Variants in PPP2R3C observed in about 807,000 individuals in gnomAD.
PPP2R3C encodes protein phosphatase 2 regulatory subunit B''gamma.
PPP2R3C carries 47 observed loss-of-function variants against 63.7 expected under a neutral mutation model. That is an observed-to-expected ratio of 0.74 (90% CI 0.58 to 0.94). PPP2R3C has a LOEUF of 0.94. PPP2R3C is among the 40% of genes least tolerant of loss of function. The probability of loss-of-function intolerance (pLI) is 0.00; values close to 1 mark genes in which losing one functional copy is unlikely to be tolerated. For missense variants in PPP2R3C, 421 were observed against 518.4 expected, an observed-to-expected ratio of 0.81 and a Z score of 1.82; for synonymous variants, 180 against 177.4, an observed-to-expected ratio of 1.01 and a Z score of -0.12.
intron 6 of PPP2R3C, among the ~76,000 whole-genome samples, chr14:35,104,444 GATTA>G (rs2046286456): frequency 6.6e-6 from 1 of 152,086 alleles, no homozygotes; most frequent in Admixed American, 6.6e-5. Flanking sequence ...ATAATTATTT[GATTA>G]ATTAACCTAG....
At chr14:35,104,686 G>A (rs899772682) in intron 6 of PPP2R3C, among the ~76,000 whole-genome samples, 1 of 152,146 alleles carries the variant, frequency 6.6e-6, no homozygotes, top group Non-Finnish European at 1.5e-5. Context: ...AACTGACCTA[G>A]CAATCTTAAA....
At chr14:35,116,228 C>T (rs1340012691) in intron 2 of PPP2R3C, among the ~76,000 whole-genome samples, 1 of 151,122 alleles carries the variant, frequency 6.6e-6, no homozygotes, top group Non-Finnish European at 1.5e-5. Flanking sequence ...ACATAAAATT[C>T]TGGTCCTATT....
intron 10 of PPP2R3C, among the ~76,000 whole-genome samples, chr14:35,091,770 G>A (rs1163146503): frequency 6.6e-6 from 1 of 151,932 alleles, no homozygotes; most frequent in Admixed American, 6.6e-5. Flanking sequence ...GCCCAGGCTG[G>A]AGTGCAGTGG....
intron 2 of PPP2R3C, 116 bp downstream of exon 2, chr14:35,116,494 A>G: frequency 1.4e-6 from 1 of 726,672 alleles, no homozygotes; most frequent in Non-Finnish European, 2.0e-6. Context: ...GACTCAAGTG[A>G]TCCTCCCGCC....
upstream of PPP2R3C, chr14:35,122,053 G>C: frequency 7.1e-7 from 1 of 1,400,992 alleles, no homozygotes; most frequent in Non-Finnish European, 1.0e-6. Context: ...CCCCGTAAAG[G>C]TTAGGAAGGC....
chr14:35,118,305 G>T (rs1015353903), intron 1 of PPP2R3C, among the ~76,000 whole-genome samples: 8 of 152,140 alleles, frequency 5.3e-5, no homozygotes, highest in Admixed American at 5.2e-4. Context: ...ATGCTGATGG[G>T]AATGATTAAA....
intron 10 of PPP2R3C, 102 bp downstream of exon 10, chr14:35,094,946 T>A (rs1011998625): frequency 2.2e-5 from 29 of 1,291,704 alleles, no homozygotes; most frequent in Non-Finnish European, 3.0e-5. Context: ...AGAGCAAGAC[T>A]CTGTCTCAAA....
Position 35,100,446 on chromosome 14 carries a change from T to C in PPP2R3C, c.574-1062A>G, listed in dbSNP as rs938693046. ...ACTCCCACCAGCAATGTGAAGGCTA[T>C]TTCTACAGTTCCGAATTCTGCACAC... On this transcript the variant is annotated intron_variant, in intron 6 of 12. Coordinates refer to ENST00000261475, the MANE Select transcript of PPP2R3C (RefSeq NM_017917.4). 7 of 152,202 alleles carry C rather than the reference T, an allele frequency of 4.6e-5. No homozygotes were observed. In the South Asian group the frequency reaches 1.5e-3, roughly 32 times the overall value. 9.4% of individuals were successfully genotyped at this position (152,202 alleles called of 1,614,324 possible).
Position 35,116,703 on chromosome 14 carries a change from T to C in PPP2R3C, c.93A>G (p.Glu31=), listed in dbSNP as rs774663256. ...AGTAATATTTTGTAAATAAATCCAT[T>C]TCTTCATCTTTTAATTCTTGTTCAC... The part of the protein sequence containing the change: ...KKSEQELKDE[E]MDLFTKYYSE... Residue 31 remains glutamate, a synonymous_variant, in exon 2 of 13, where the codon GAA becomes GAG. Transcript: ENST00000261475. The C allele has an allele frequency of 4.4e-6, 7 of 1,594,608 alleles. No individual in the cohort carries two copies. Among genetic ancestry groups the C allele is most frequent in the Non-Finnish European group, 6.0e-6 (7 of 1,168,638 alleles).
intron 2 of PPP2R3C, among the ~76,000 whole-genome samples, chr14:35,111,945 T>G (rs1980513): frequency 0.92 from 139,523 of 152,240 alleles, 63,946 homozygotes; most frequent in Non-Finnish European, 0.93. Flanking sequence ...CATTTAGCTG[T>G]CTCCATGTAT....
rs369438712 is a variant in PPP2R3C, at chr14:35,108,122, C to G, written c.502+17G>C. 1 of 1,604,514 alleles carries G rather than the reference C, an allele frequency of 6.2e-7. No individual in the cohort carries two copies. The highest frequency in any genetic ancestry group is 8.5e-7 in the Non-Finnish European group (1 of 1,177,550). Reference sequence around the variant, plus strand: ...GATTCCCAGATAAGGAGTTCAAGCACAGTAAAAATGAATCACCTTTTCTCA... The same window carrying G: ...GATTCCCAGATAAGGAGTTCAAGCAGAGTAAAAATGAATCACCTTTTCTCA... On this transcript the variant is annotated intron_variant, in intron 5 of 12. Coordinates refer to ENST00000261475, the MANE Select transcript of PPP2R3C (RefSeq NM_017917.4).
rs572875891 is a variant in PPP2R3C, at chr14:35,121,786, G to T, written c.58+116C>A. The T allele has an allele frequency of 1.6e-5, 19 of 1,153,612 alleles. 1 individual carries two copies. The Admixed American group carries it at 1.7e-4, about 10-fold the overall frequency. 71.5% of individuals were successfully genotyped at this position (1,153,612 alleles called of 1,614,324 possible). On this transcript the variant is annotated intron_variant, in intron 1 of 12. Transcript: ENST00000261475. Reference sequence around the variant, plus strand: ...CATTCCACTCCGCCTCCTTTGTCGGGAGGTTTCACAGAAGCGGAAAAGGCG... The same window carrying T: ...CATTCCACTCCGCCTCCTTTGTCGGTAGGTTTCACAGAAGCGGAAAAGGCG...
intron 12 of PPP2R3C, 133 bp from the exon 13 acceptor site, chr14:35,085,911 T>G (rs531977949): frequency 8.7e-6 from 6 of 692,970 alleles, no homozygotes; most frequent in Non-Finnish European, 1.3e-5. Context: ...CTTGGGCTTA[T>G]GTTAATTTTT....
upstream of PPP2R3C, chr14:35,122,036 C>G: frequency 3.9e-6 from 6 of 1,527,086 alleles, no homozygotes; most frequent in Non-Finnish European, 4.5e-6. Flanking sequence ...GCGTCAGCAC[C>G]GCCAGGCCCC....
At chr14:35,094,967 C>T in intron 10 of PPP2R3C, 81 bp downstream of exon 10, 1 of 1,425,824 alleles carries the variant, frequency 7.0e-7, no homozygotes, top group Non-Finnish European at 9.7e-7. Flanking sequence ...AAAAAAAGGG[C>T]TGTATTACAT....
upstream of PPP2R3C, chr14:35,122,057 G>C: frequency 7.4e-7 from 1 of 1,355,748 alleles, no homozygotes; most frequent in South Asian, 1.2e-5. Flanking sequence ...GTAAAGGTTA[G>C]GAAGGCCGTC....
At chr14:35,091,232 T>C in intron 10 of PPP2R3C, 25 bp from the exon 11 acceptor site, 2 of 1,559,674 alleles carry the variant, frequency 1.3e-6, no homozygotes, top group South Asian at 1.2e-5. Flanking sequence ...ATAATGTTCA[T>C]TAGAGGCCTT....
intron 10 of PPP2R3C, 122 bp downstream of exon 10, chr14:35,094,926 C>G: frequency 9.3e-7 from 1 of 1,076,464 alleles, no homozygotes; most frequent in Non-Finnish European, 1.3e-6. Flanking sequence ...TGCACTCTAG[C>G]CTAGGCGACA....
intron 11 of PPP2R3C, among the ~76,000 whole-genome samples, chr14:35,088,837 CA>C (rs2045694414): frequency 6.6e-6 from 1 of 152,140 alleles, no homozygotes; most frequent in African/African-American, 2.4e-5. Context: ...TACCTTATCC[CA>C]TATAACCAAG....
Sources: gnomAD v4.1 joint callset for allele counts (sites outside exome capture counted in the v4.1 genomes callset) on GRCh38, gnomAD v4.1.1 for gene constraint, MANE v1.5 for transcripts, NCBI Gene and HGNC (gene_info 2026-07-23, HGNC 2026-07-21) for gene names.